Variants in WDR44 observed in about 807,000 individuals in gnomAD.
WDR44 encodes the protein WD repeat-containing protein 44.
A neutral mutation model predicts 65.7 loss-of-function variants in WDR44; 9 were observed. The ratio of observed to expected loss-of-function variants is 0.14; its 90% CI spans 0.08 to 0.24. The LOEUF (loss-of-function observed/expected upper bound fraction) is 0.24, where lower values mean the gene tolerates loss of function less well. Among genes scored for constraint, WDR44 ranks in the 10% least tolerant of loss-of-function variants. The probability of loss-of-function intolerance (pLI) is 1.00; values close to 1 mark genes in which losing one functional copy is unlikely to be tolerated. For synonymous variants in WDR44, 220 were observed against 235.2 expected, an observed-to-expected ratio of 0.94 and a Z score of 0.59; for missense variants, 425 against 670.9, an observed-to-expected ratio of 0.63 and a Z score of 4.05.
intron 1 of WDR44, among the ~76,000 whole-genome samples, chrX:118,356,733 T>C (rs1220671896): frequency 2.1e-5 from 2 of 94,058 alleles, no homozygotes; most frequent in Non-Finnish European, 4.1e-5. Flanking sequence ...CAATTTGTAA[T>C]AATAGTAAAG....
chrX:118,429,735 G>T (rs745742622), intron 12 of WDR44, among the ~76,000 whole-genome samples: 1 of 110,842 alleles, frequency 9.0e-6, no homozygotes, highest in Non-Finnish European at 1.9e-5. Context: ...ACAGAGTCTC[G>T]CTCAGGTTCT....
rs771366504 is a variant in WDR44, at chrX:118,409,504, A to G, written c.1549A>G (p.Met517Val). 8.3e-7 allele frequency: 1 copy of G among 1,209,148 alleles called. No homozygotes were observed. The highest frequency in any genetic ancestry group is 1.7e-5 in the African/African-American group (1 of 57,285). The change falls in exon 11 of 20, where the codon ATG becomes GTG. Residue 517 changes from methionine to valine, a missense_variant. This residue lies in a region of WDR44 where 77 missense variants were observed against 183.5 expected (regional missense o/e 0.42). Transcript: ENST00000254029. Reference sequence around the variant, plus strand: ...GTTTTCATAGGGAGCTGTTTGGACCATGAAATTTTCTCACTGTGGCCGATT... The same window carrying G: ...GTTTTCATAGGGAGCTGTTTGGACCGTGAAATTTTCTCACTGTGGCCGATT... Reference protein sequence around the residue: ...SGEHMGAVWTMKFSHCGRLLA... With the variant: ...SGEHMGAVWTVKFSHCGRLLA...
At chrX:118,403,853 G>C (rs1018458353) in intron 8 of WDR44, among the ~76,000 whole-genome samples, 1 of 112,141 alleles carries the variant, frequency 8.9e-6, no homozygotes, top group African/African-American at 3.2e-5. Flanking sequence ...CAAACTGAAA[G>C]AGAAGGGACA....
intron 8 of WDR44, among the ~76,000 whole-genome samples, chrX:118,400,205 G>A (rs1417580617): frequency 9.0e-6 from 1 of 110,701 alleles, no homozygotes; most frequent in East Asian, 2.8e-4. Context: ...ACTGAATGTT[G>A]GGGTAAGCTG....
chrX:118,375,526 AAAAAAAC>A (rs1395344478), intron 1 of WDR44, among the ~76,000 whole-genome samples: 7 of 109,992 alleles, frequency 6.4e-5, no homozygotes, highest in African/African-American at 2.0e-4. Flanking sequence ...AAAAAAAAAA[AAAAAAAC>A]AAACAGGTTT....
intron 6 of WDR44, 147 bp from the exon 7 acceptor site, chrX:118,396,823 C>T: frequency 1.9e-6 from 1 of 531,021 alleles, no homozygotes; most frequent in Non-Finnish European, 2.7e-6. Context: ...TGAATTATAT[C>T]TCAATAAAAA....
Position 118,413,848 on chromosome X carries a change from G to T in WDR44, c.1737+2889G>T, listed in dbSNP as rs1380083194. 2.0e-4 allele frequency among the ~76,000 whole-genome samples: 22 copies of T among 111,687 alleles called. 1 individual carries two copies. In the Admixed American group the frequency reaches 2.1e-3, roughly 11 times the overall value. ...TCGAGTCCTTAATCCCTCTTGAGTT[G>T]ATTTTTGTATAAAGTGAGAGATGAG... On this transcript the variant is annotated intron_variant, in intron 12 of 19. Coordinates refer to ENST00000254029, the MANE Select transcript of WDR44 (RefSeq NM_019045.5).
At chrX:118,388,792 T>C (rs12851033) in intron 3 of WDR44, among the ~76,000 whole-genome samples, 1 of 111,826 alleles carries the variant, frequency 8.9e-6, no homozygotes, top group African/African-American at 3.3e-5. Context: ...AGCATACATT[T>C]TTCTGCCTAA....
At chrX:118,431,271 T>C (rs1438622947) in intron 12 of WDR44, among the ~76,000 whole-genome samples, 1 of 111,505 alleles carries the variant, frequency 9.0e-6, no homozygotes, top group Non-Finnish European at 1.9e-5. Context: ...AAGCCACAAA[T>C]TTGAGGCCTT....
intron 10 of WDR44, among the ~76,000 whole-genome samples, chrX:118,408,825 G>A (rs1004884744): frequency 2.7e-5 from 3 of 112,010 alleles, no homozygotes; most frequent in Non-Finnish European, 5.6e-5. Context: ...CCATCTTTAC[G>A]TTCAGCTAGG....
chrX:118,369,659 G>A (rs1004580958), intron 1 of WDR44, among the ~76,000 whole-genome samples: 1 of 107,803 alleles, frequency 9.3e-6, no homozygotes, highest in Non-Finnish European at 1.9e-5. Flanking sequence ...TAGTAGAGAT[G>A]GGGTTTCACC....
intron 14 of WDR44, among the ~76,000 whole-genome samples, chrX:118,438,346 A>G (rs1486252808): frequency 8.9e-6 from 1 of 112,443 alleles, no homozygotes; most frequent in Non-Finnish European, 1.9e-5. Flanking sequence ...AAATCTTTCC[A>G]TAACTATTTT....
intron 14 of WDR44, among the ~76,000 whole-genome samples, chrX:118,440,075 G>A (rs902927510): frequency 2.0e-5 from 2 of 101,516 alleles, no homozygotes; most frequent in South Asian, 4.7e-4. Context: ...AGCCGTGATC[G>A]AGCCTCTGTA....
At chrX:118,435,939 C>G (rs895825134) in intron 13 of WDR44, among the ~76,000 whole-genome samples, 1 of 112,049 alleles carries the variant, frequency 8.9e-6, no homozygotes, top group African/African-American at 3.2e-5. Flanking sequence ...TGTTTAGCAC[C>G]TTTAGGCACA....
chrX:118,357,939 C>T (rs912498333), intron 1 of WDR44, among the ~76,000 whole-genome samples: 4 of 110,633 alleles, frequency 3.6e-5, no homozygotes, highest in South Asian at 3.8e-4. Flanking sequence ...TTTGGGAGGC[C>T]GAGGCGGGCA....
rs145416193 is a variant in WDR44, at chrX:118,351,141, G to A, written c.77+4561G>A. ...TTAGAATCCTAAGTTTTGCTTACGA[G>A]TTTTTTCCAAGTGAAAGTGAAAAAC... On this transcript the variant is annotated intron_variant, in intron 1 of 19. Coordinates refer to ENST00000254029, the MANE Select transcript of WDR44 (RefSeq NM_019045.5). Among the ~76,000 whole-genome samples the A allele has an allele frequency of 3.6e-3, 408 of 112,320 alleles. 1 individual carries two copies. The highest frequency in any genetic ancestry group is 0.012 in the African/African-American group (385 of 30,971).
chrX:118,394,218 T>C, intron 5 of WDR44, 33 bp downstream of exon 5: 1 of 1,202,345 alleles, frequency 8.3e-7, no homozygotes, highest in East Asian at 3.0e-5. Context: ...TCATATAGAC[T>C]TTATCAGCTC....
At chrX:118,448,069 G>A (rs1016837224) in intron 19 of WDR44, among the ~76,000 whole-genome samples, 1 of 108,609 alleles carries the variant, frequency 9.2e-6, no homozygotes, top group African/African-American at 3.3e-5. Flanking sequence ...CTTTGCTGCT[G>A]CTACTACTGC....
At chrX:118,355,700 A>G (rs1182266572) in intron 1 of WDR44, among the ~76,000 whole-genome samples, 1 of 111,660 alleles carries the variant, frequency 9.0e-6, no homozygotes, top group East Asian at 2.8e-4. Context: ...CTAGCAGTGC[A>G]CACAAGGTTT....
Sources: allele counts gnomAD v4.1 joint callset (sites outside exome capture counted in the v4.1 genomes callset), GRCh38; gene constraint gnomAD v4.1.1; regional missense constraint gnomAD v4.1.1; transcripts MANE v1.5; gene names NCBI Gene and HGNC (gene_info 2026-07-23, HGNC 2026-07-21).